Variants in INO80 observed in about 807,000 individuals in gnomAD.
INO80 encodes the protein chromatin-remodeling ATPase INO80.
In INO80, 20 loss-of-function variants were observed where a neutral mutation model predicts 203.4. That is an observed-to-expected ratio of 0.10 (90% CI 0.07 to 0.14). The LOEUF (loss-of-function observed/expected upper bound fraction) is 0.14. Ranked by LOEUF, INO80 falls within the 10% of genes least tolerant of loss-of-function variation. The pLI is 1.00. For missense variants in INO80, 1,419 were observed against 1,914.4 expected, an observed-to-expected ratio of 0.74 and a Z score of 4.83; for synonymous variants, 726 against 685.2, an observed-to-expected ratio of 1.06 and a Z score of -0.93.
chr15:40,994,642 G>A (rs2043856965), intron 29 of INO80, among the ~76,000 whole-genome samples: 1 of 152,026 alleles, frequency 6.6e-6, no homozygotes, highest in East Asian at 1.9e-4. Flanking sequence ...TAGGATTACA[G>A]GTGTGAGCCA....
intron 24 of INO80, among the ~76,000 whole-genome samples, chr15:41,038,091 T>C (rs1221086674): frequency 2.3e-5 from 3 of 132,316 alleles, no homozygotes; most frequent in African/African-American, 5.7e-5. Context: ...CTCAGCTCAC[T>C]GCAACCTTCG....
chr15:40,988,029 G>A, intron 29 of INO80, 55 bp from the exon 30 acceptor site: 1 of 1,487,074 alleles, frequency 6.7e-7, no homozygotes, highest in Non-Finnish European at 9.2e-7. Flanking sequence ...CAGAAATTCT[G>A]AGAGCAACCC....
intron 29 of INO80, among the ~76,000 whole-genome samples, chr15:40,996,479 G>A (rs1476029478): frequency 6.6e-6 from 1 of 151,524 alleles, no homozygotes. Context: ...GTGTCACCAC[G>A]CCCGGCTATT....
intron 24 of INO80, among the ~76,000 whole-genome samples, chr15:41,032,092 GCACAGC>G (rs2044496401): frequency 6.8e-6 from 1 of 148,060 alleles, no homozygotes; most frequent in African/African-American, 2.5e-5. Flanking sequence ...GCACAGCACA[GCACAGC>G]ACAGCACAGC....
intron 29 of INO80, among the ~76,000 whole-genome samples, chr15:40,993,311 G>T (rs2043839226): frequency 6.6e-6 from 1 of 151,990 alleles, no homozygotes; most frequent in Non-Finnish European, 1.5e-5. Flanking sequence ...TGAACAACCG[G>T]AGAAACTATT....
intron 35 of INO80, among the ~76,000 whole-genome samples, chr15:40,981,986 G>C (rs1893849201): frequency 6.6e-6 from 1 of 152,166 alleles, no homozygotes; most frequent in Admixed American, 6.5e-5. Flanking sequence ...CTTATCAGCA[G>C]GACCATGGTT....
intron 25 of INO80, among the ~76,000 whole-genome samples, chr15:41,022,880 C>T (rs183363895): frequency 6.6e-6 from 1 of 152,146 alleles, no homozygotes; most frequent in African/African-American, 2.4e-5. Context: ...GGTGGCAGAT[C>T]GCCTAAGGTC....
At chr15:41,000,763 T>A in intron 28 of INO80, among the ~76,000 whole-genome samples, 1 of 140,350 alleles carries the variant, frequency 7.1e-6, no homozygotes, top group Admixed American at 7.0e-5. Flanking sequence ...AAAAGATGGG[T>A]AATTTCCATA....
chr15:41,075,026 C>G (rs967401714), intron 9 of INO80, among the ~76,000 whole-genome samples: 1 of 152,110 alleles, frequency 6.6e-6, no homozygotes, highest in Non-Finnish European at 1.5e-5. Context: ...CATGAGCCAC[C>G]ACACCTGGCA....
chr15:41,059,435 G>A (rs1478455815), intron 15 of INO80, among the ~76,000 whole-genome samples: 2 of 150,900 alleles, frequency 1.3e-5, no homozygotes, highest in Non-Finnish European at 2.9e-5. Context: ...GACCACCCTG[G>A]GCAACAGGTT....
intron 1 of INO80, among the ~76,000 whole-genome samples, chr15:41,112,867 T>G (rs117993504): frequency 1.3e-5 from 2 of 151,630 alleles, no homozygotes; most frequent in African/African-American, 4.8e-5. Flanking sequence ...CCAACCCACT[T>G]TGTCCACTCT....
Position 41,055,415 on chromosome 15 carries a change from G to A in INO80, c.2071-51C>T, listed in dbSNP as rs376156176. ...AGCTATAGAGCAATAAAATGACAGCGTGTAAGGATGTATTAGATAGAGAAA... is the reference window on the plus strand; with the variant it reads ...AGCTATAGAGCAATAAAATGACAGCATGTAAGGATGTATTAGATAGAGAAA... On this transcript the variant is annotated intron_variant, in intron 17 of 35. Coordinates refer to ENST00000648947, the MANE Select transcript of INO80 (RefSeq NM_017553.3). 13 of 1,216,734 alleles carry A rather than the reference G, an allele frequency of 1.1e-5. No homozygotes were observed. In the African/African-American group the frequency reaches 1.2e-4, roughly 11 times the overall value. The allele number at this position is 1,216,734 out of a possible 1,614,324, so 75.4% of individuals were successfully genotyped here.
intron 26 of INO80, chr15:41,017,447 A>T (rs1371534227): frequency 6.6e-6 from 1 of 152,212 alleles, no homozygotes; most frequent in East Asian, 1.9e-4. Context: ...GACAACTAAC[A>T]ACTAAAAGAA....
Position 41,013,368 on chromosome 15 carries a change from G to A in INO80, c.3402+2720C>T, listed in dbSNP as rs367922772. On this transcript the variant is annotated intron_variant, in intron 27 of 35. Transcript: ENST00000648947. ...CTCAATGGACAGGATCTATTCAGAAGGTCCCACTGCAAGATCATGTACCAG... is the reference window on the plus strand; with the variant it reads ...CTCAATGGACAGGATCTATTCAGAAAGTCCCACTGCAAGATCATGTACCAG... 13 of 152,262 alleles carry A rather than the reference G, an allele frequency of 8.5e-5. No homozygotes were observed. In the South Asian group the frequency reaches 2.7e-3, roughly 32 times the overall value. 9.4% of individuals were successfully genotyped at this position (152,262 alleles called of 1,614,324 possible).
At chr15:41,007,168 CTTTTTTTTTTTTTCTTTTT>C (rs1220294638) in intron 27 of INO80, among the ~76,000 whole-genome samples, 1 of 128,584 alleles carries the variant, frequency 7.8e-6, no homozygotes, top group Non-Finnish European at 1.7e-5. Context: ...CACAGGCACT[CTTTTTTTTTTTTTCTTTTT>C]TTTTTTTTTT....
intron 16 of INO80, among the ~76,000 whole-genome samples, chr15:41,057,563 G>A (rs2045010654): frequency 6.6e-6 from 1 of 151,926 alleles, no homozygotes; most frequent in African/African-American, 2.4e-5. Flanking sequence ...TTGGGAGGCA[G>A]AGGCAGGTGG....
At chr15:41,044,571 C>T (rs537791390) in intron 24 of INO80, among the ~76,000 whole-genome samples, 32 of 151,704 alleles carry the variant, frequency 2.1e-4, no homozygotes, top group Non-Finnish European at 3.2e-4. Flanking sequence ...AGCTACTAAA[C>T]GGAAAGGAGC....
intron 29 of INO80, among the ~76,000 whole-genome samples, chr15:40,995,946 C>T (rs962113749): frequency 1.3e-5 from 2 of 152,138 alleles, no homozygotes; most frequent in African/African-American, 4.8e-5. Context: ...CAGGCGCTGA[C>T]GTCTTGCCGT....
At chr15:41,049,135 TTCCATAAGA>T (rs1337418029) in intron 21 of INO80, 143 bp downstream of exon 21, 1 of 614,126 alleles carries the variant, frequency 1.6e-6, no homozygotes, top group Non-Finnish European at 2.6e-6. Flanking sequence ...CTCAAATTCC[TTCCATAAGA>T]TCCCTCAACA....
Sources: allele counts gnomAD v4.1 joint callset (sites outside exome capture counted in the v4.1 genomes callset), GRCh38; gene constraint gnomAD v4.1.1; transcripts MANE v1.5; gene names NCBI Gene and HGNC (gene_info 2026-07-23, HGNC 2026-07-21).